The following DOCK3 variants were observed in gnomAD, a reference collection of about 807,000 sequenced individuals.
The protein encoded by DOCK3 is dedicator of cytokinesis protein 3.
Under a neutral mutation model 265.6 loss-of-function variants are expected in DOCK3, and 60 were observed. That is an observed-to-expected ratio of 0.23 (90% confidence interval 0.18 to 0.28). DOCK3 has a LOEUF of 0.28. DOCK3 is among the 10% of genes least tolerant of loss of function. The probability of loss-of-function intolerance (pLI) is 1.00; values close to 1 mark genes in which losing one functional copy is unlikely to be tolerated. For missense variants in DOCK3, 1,981 were observed against 2,594.3 expected (o/e 0.76, Z 5.14); for synonymous variants, 881 against 938.0 (o/e 0.94, Z 1.11).
chr3:50,835,900 T>G (rs2045478882), intron 2 of DOCK3, among the ~76,000 whole-genome samples: 1 of 152,280 alleles, frequency 6.6e-6, no homozygotes, highest in South Asian at 2.1e-4. Context: ...GAGAGGAATA[T>G]CTTCATTCCT....
chr3:51,071,101 G>A (rs952865168), intron 6 of DOCK3, among the ~76,000 whole-genome samples: 2 of 152,080 alleles, frequency 1.3e-5, no homozygotes, highest in African/African-American at 4.8e-5. Context: ...TTCAGATGGG[G>A]AAAGGAAAAA....
chr3:51,280,347 T>C (rs1485168798), intron 27 of DOCK3, 143 bp downstream of exon 27: 3 of 779,178 alleles, frequency 3.9e-6, no homozygotes, highest in African/African-American at 3.5e-5. Flanking sequence ...TACAGCTGAG[T>C]GTTGGCCTCC....
intron 1 of DOCK3, among the ~76,000 whole-genome samples, chr3:50,700,323 T>C (rs1576150645): frequency 6.6e-6 from 1 of 152,218 alleles, no homozygotes; most frequent in Admixed American, 6.5e-5. Context: ...TTCTGAAATA[T>C]ACAATAAGTT....
At chr3:51,185,778 G>A (rs1308188180) in intron 12 of DOCK3, among the ~76,000 whole-genome samples, 1 of 152,128 alleles carries the variant, frequency 6.6e-6, no homozygotes, top group Non-Finnish European at 1.5e-5. Flanking sequence ...TTAAAAAAAG[G>A]GAACTTCTCT....
intron 5 of DOCK3, among the ~76,000 whole-genome samples, chr3:51,017,911 T>A (rs1426962944): frequency 6.6e-6 from 1 of 151,868 alleles, no homozygotes; most frequent in South Asian, 2.1e-4. Context: ...TTTCTTTTTT[T>A]AGACAGAGTT....
At chr3:51,254,238 G>C (rs1357734682) in intron 22 of DOCK3, among the ~76,000 whole-genome samples, 4 of 152,118 alleles carry the variant, frequency 2.6e-5, no homozygotes, top group Non-Finnish European at 5.9e-5. Context: ...GAGACAGTTT[G>C]TTAAAATTTC....
At chr3:50,748,226 T>A (rs191232579) in intron 1 of DOCK3, among the ~76,000 whole-genome samples, 39 of 152,358 alleles carry the variant, frequency 2.6e-4, no homozygotes, top group Admixed American at 1.4e-3. Context: ...AGGCTGATCT[T>A]GAATTCTTTG....
intron 12 of DOCK3, among the ~76,000 whole-genome samples, chr3:51,178,287 A>C (rs2087082796): frequency 6.6e-6 from 1 of 152,220 alleles, no homozygotes; most frequent in Non-Finnish European, 1.5e-5. Context: ...TTATTTTATC[A>C]TCCAAGAACA....
intron 5 of DOCK3, among the ~76,000 whole-genome samples, chr3:51,003,173 G>T (rs2078546959): frequency 1.3e-5 from 2 of 152,136 alleles, no homozygotes; most frequent in South Asian, 4.1e-4. Flanking sequence ...AAGTAGTTAA[G>T]GGGAAAAGAA....
At chr3:51,229,461 A>G in intron 18 of DOCK3, 51 bp from the exon 19 acceptor site, 1 of 1,394,808 alleles carries the variant, frequency 7.2e-7, no homozygotes, top group Non-Finnish European at 9.7e-7. Context: ...AAAAAAAAAA[A>G]AAGAATATCC....
intron 7 of DOCK3, among the ~76,000 whole-genome samples, chr3:51,081,111 T>G (rs1421411690): frequency 2.6e-5 from 4 of 152,152 alleles, no homozygotes; most frequent in African/African-American, 9.7e-5. Context: ...TATTTAGTAA[T>G]AAGCAAATAT....
At chr3:51,039,365 C>G (rs140457694) in intron 5 of DOCK3, among the ~76,000 whole-genome samples, 41 of 152,144 alleles carry the variant, frequency 2.7e-4, no homozygotes, top group Admixed American at 2.4e-3. Context: ...GATAAACATC[C>G]TTATAAATAA....
rs146751901 is a variant in DOCK3 at position 50,693,827 on chromosome 3, G to A, written c.37+18527G>A. On this transcript the variant is annotated intron_variant, in intron 1 of 52. Coordinates refer to ENST00000266037, the MANE Select transcript of DOCK3 (RefSeq NM_004947.5). ...GCTGGGATTACAGGTGTGAGCCACC[G>A]CACCTGGCCTTCCTTTTCATATCAT... Among the ~76,000 whole-genome samples the A allele has an allele frequency of 2.9e-3, 439 of 151,568 alleles. 1 individual carries two copies. The highest frequency in any genetic ancestry group is 9.7e-3 in the African/African-American group (399 of 41,334).
At chr3:51,343,072 G>A (rs1014758) in intron 38 of DOCK3, among the ~76,000 whole-genome samples, 7,462 of 152,094 alleles carry the variant, frequency 0.049, 632 homozygotes, top group African/African-American at 0.17. Context: ...AAAATATTCC[G>A]GGTTTTCAAG....
chr3:51,176,354 C>T (rs993070835), intron 12 of DOCK3, among the ~76,000 whole-genome samples: 15 of 152,134 alleles, frequency 9.9e-5, no homozygotes, highest in Admixed American at 2.0e-4. Context: ...TGGTGGCTCA[C>T]GCCTGTAATC....
In DOCK3 at chr3:51,374,666, T is replaced by C; in HGVS notation, c.5412+79T>C. The C allele has an allele frequency of 7.5e-7, 1 of 1,338,782 alleles. No homozygotes were observed. The allele number at this position is 1,338,782 out of a possible 1,614,324, so 82.9% of individuals were successfully genotyped here. A position where few individuals can be genotyped will look rare whatever the true frequency, so the allele number is the denominator to read the frequency against. On this transcript the variant is annotated intron_variant, in intron 50 of 52. Transcript: ENST00000266037. The surrounding 1 kb of genome is among the most constrained non-coding windows in gnomAD (Gnocchi z 4.8). ...TTCCCTCCTTGCATTTGCGGGGCCTTCTGCATTGTCCTACATGGCTCTCTC... is the reference window on the plus strand; with the variant it reads ...TTCCCTCCTTGCATTTGCGGGGCCTCCTGCATTGTCCTACATGGCTCTCTC...
intron 24 of DOCK3, among the ~76,000 whole-genome samples, chr3:51,271,482 A>G (rs1156645802): frequency 6.6e-6 from 1 of 152,136 alleles, no homozygotes; most frequent in African/African-American, 2.4e-5. Flanking sequence ...AAGGTCGCTA[A>G]TCTTGTTCAT....
rs2083525603 is a variant in DOCK3 at position 51,111,685 on chromosome 3, G to A, written c.746+21301G>A. ...AGATTTCATGATGAAAACACCAAAA[G>A]CAATTGCAACAAAAGCAAAAATTGA... is the stretch of plus-strand genomic sequence containing the variant. On this transcript the variant is annotated intron_variant, in intron 9 of 52. Coordinates refer to ENST00000266037, the MANE Select transcript of DOCK3 (RefSeq NM_004947.5). Among the ~76,000 whole-genome samples the A allele has an allele frequency of 2.0e-5, 3 of 152,060 alleles. 1 individual carries two copies. In the South Asian group the frequency reaches 6.2e-4, roughly 32 times the overall value.
intron 3 of DOCK3, among the ~76,000 whole-genome samples, chr3:50,870,581 A>C (rs920325622): frequency 3.3e-5 from 5 of 152,074 alleles, no homozygotes; most frequent in African/African-American, 1.2e-4. Flanking sequence ...ATATCTTTTG[A>C]TTGGAGAGTT....
Sources: allele counts gnomAD v4.1 joint callset (sites outside exome capture counted in the v4.1 genomes callset), GRCh38; gene constraint gnomAD v4.1.1; non-coding constraint Gnocchi (gnomAD v3.1); transcripts MANE v1.5; gene names NCBI Gene and HGNC (gene_info 2026-07-23, HGNC 2026-07-21).